The following HCN4 variants were observed in gnomAD, a reference collection of about 807,000 sequenced individuals.
HCN4 encodes hyperpolarization activated cyclic nucleotide gated potassium channel 4, also known as potassium/sodium hyperpolarization-activated cyclic nucleotide-gated channel 4.
A neutral mutation model predicts 76.9 loss-of-function variants in HCN4; 29 were observed. That is an observed-to-expected ratio of 0.38 (90% confidence interval 0.28 to 0.51). The LOEUF (loss-of-function observed/expected upper bound fraction) is 0.51. Among genes scored for constraint, HCN4 ranks in the 20% least tolerant of loss-of-function variants. The pLI is 0.90. For missense variants in HCN4, 1,416 were observed against 1,715.2 expected (o/e 0.83, Z 3.08); for synonymous variants, 772 against 762.5 (o/e 1.01, Z -0.21).
At chr15:73,366,557 C>T (rs1476034555) in intron 1 of HCN4, among the ~76,000 whole-genome samples, 1 of 152,208 alleles carries the variant, frequency 6.6e-6, no homozygotes, top group Non-Finnish European at 1.5e-5. Context: ...TGATCCCAAC[C>T]CTAGAAACAA....
chr15:73,326,048 C>T (rs775323734), intron 4 of HCN4, among the ~76,000 whole-genome samples: 2 of 152,014 alleles, frequency 1.3e-5, no homozygotes, highest in Admixed American at 6.6e-5. Flanking sequence ...AATAGAGGCT[C>T]GGGTACAAAA....
At chr15:73,344,535 T>A (rs996886501) in intron 1 of HCN4, among the ~76,000 whole-genome samples, 6 of 150,906 alleles carry the variant, frequency 4.0e-5, no homozygotes, top group African/African-American at 1.5e-4. Context: ...AACATGGGGG[T>A]GTGGAGGGGG....
Position 73,368,261 on chromosome 15 carries a change from G to C in HCN4, c.10C>G (p.Leu4Val). The C allele has an allele frequency of 3.3e-6, 5 of 1,492,978 alleles. No individual in the cohort carries two copies. The highest frequency in any genetic ancestry group is 2.0e-4 in the Middle Eastern group (1 of 5,040). 92.5% of individuals were successfully genotyped at this position (1,492,978 alleles called of 1,614,324 possible). Reference sequence around the variant, plus strand: ...AGCCGCTTGCGCATGGACGGCGGCAGCTTGTCCATGGCGCCAGGGGCCGGG... The same window carrying C: ...AGCCGCTTGCGCATGGACGGCGGCACCTTGTCCATGGCGCCAGGGGCCGGG... MDK[L>V]PPSMRKRLYS... Residue 4 changes from leucine to valine, a missense_variant, in exon 1 of 8, where the codon CTG becomes GTG. Coordinates refer to ENST00000261917, the MANE Select transcript of HCN4 (RefSeq NM_005477.3). The surrounding 1 kb of genome is among the most constrained non-coding windows in gnomAD (Gnocchi z 6.9).
chr15:73,346,240 C>T (rs1462735290), intron 1 of HCN4, among the ~76,000 whole-genome samples: 6 of 152,046 alleles, frequency 3.9e-5, no homozygotes, highest in African/African-American at 9.7e-5. Context: ...AGTCAGGGTT[C>T]GATTCCTGCT....
At chr15:73,360,534 C>T (rs2043100541) in intron 1 of HCN4, among the ~76,000 whole-genome samples, 1 of 152,122 alleles carries the variant, frequency 6.6e-6, no homozygotes, top group South Asian at 2.1e-4. Context: ...TCTTGAACTA[C>T]TTGTGTAATT....
chr15:73,345,345 T>C (rs982290853), intron 1 of HCN4, among the ~76,000 whole-genome samples: 2 of 152,064 alleles, frequency 1.3e-5, no homozygotes, highest in Non-Finnish European at 2.9e-5. Flanking sequence ...AAAGCCAAGC[T>C]CTTCAGGGCC....
intron 1 of HCN4, among the ~76,000 whole-genome samples, chr15:73,352,733 T>G (rs2043060433): frequency 6.6e-6 from 1 of 152,186 alleles, no homozygotes; most frequent in African/African-American, 2.4e-5. Context: ...ACAGGGGATT[T>G]TAGAAGTTCT....
chr15:73,339,735 G>A (rs185631391), intron 2 of HCN4, among the ~76,000 whole-genome samples: 269 of 152,286 alleles, frequency 1.8e-3, no homozygotes, highest in Non-Finnish European at 6.8e-4. Flanking sequence ...GCTCTCATGT[G>A]GACCTAGGGC....
At chr15:73,366,975 G>T (rs556930683) in intron 1 of HCN4, among the ~76,000 whole-genome samples, 45 of 152,342 alleles carry the variant, frequency 3.0e-4, no homozygotes, top group African/African-American at 1.1e-3. Context: ...TGAGGCCCCA[G>T]TGACTTCGGT....
intron 2 of HCN4, among the ~76,000 whole-genome samples, chr15:73,334,766 T>A (rs1304190533): frequency 2.6e-5 from 4 of 152,120 alleles, no homozygotes; most frequent in African/African-American, 9.7e-5. Context: ...GCTAGCAAAG[T>A]GCTCTCTGCA....
chr15:73,323,474 T>C lies in HCN4; in HGVS notation c.2619A>G (p.Pro873=), dbSNP rs772599794. Reference sequence around the variant, plus strand: ...GGGAGGAGCTGGATGAGGGCAGGAGTGGGCTCAGTCCAGCGGGGGCAGAGA... The same window carrying C: ...GGGAGGAGCTGGATGAGGGCAGGAGCGGGCTCAGTCCAGCGGGGGCAGAGA... ...AGFSAPAGLS[P]LLPSSSSSPP... Residue 873 remains proline, a synonymous_variant, in exon 8 of 8, where the codon CCA becomes CCG. Transcript: ENST00000261917. The C allele has an allele frequency of 1.2e-6, 2 of 1,604,746 alleles. No individual in the cohort carries two copies. The highest frequency in any genetic ancestry group is 1.3e-5 in the African/African-American group (1 of 74,216).
In HCN4 at chr15:73,330,047, G is replaced by A. The variant is rs557186411; in HGVS notation, c.1372-256C>T. ...CCCCAGTAAAGGTACGGGAGCCAGC[G>A]TGGCCCAGCCCCCATGGGGCAGCTT... On this transcript the variant is annotated intron_variant, in intron 3 of 7. Coordinates refer to ENST00000261917, the MANE Select transcript of HCN4 (RefSeq NM_005477.3). 3.9e-5 allele frequency among the ~76,000 whole-genome samples: 6 copies of A among 152,324 alleles called. No homozygotes were observed. The East Asian group carries it at 7.7e-4, about 20-fold the overall frequency.
At chr15:73,366,465 C>T (rs60064354) in intron 1 of HCN4, among the ~76,000 whole-genome samples, 1,654 of 152,262 alleles carry the variant, frequency 0.011, 26 homozygotes, top group African/African-American at 0.037. Flanking sequence ...GTTTCCCAGA[C>T]CTTCATCACA....
intron 2 of HCN4, among the ~76,000 whole-genome samples, chr15:73,332,683 G>A (rs2042940113): frequency 2.6e-5 from 4 of 152,276 alleles, no homozygotes; most frequent in African/African-American, 7.2e-5. Flanking sequence ...GCTCCTCAGG[G>A]AACCAAAAGT....
At position 73,322,465 on chromosome 15, in the gene HCN4, G is replaced by GA; in HGVS notation, c.*15dup. The stretch of plus-strand genomic sequence containing the variant: ...GGGAGAGAAAAGAAGAAAGAAGAGG[G>GA]AAGGAAGGGCCCAGCTCATAGATTG... On this transcript the variant is annotated 3_prime_UTR_variant, in exon 8 of 8. Transcript: ENST00000261917. The GA allele has an allele frequency of 6.4e-7, 1 of 1,564,170 alleles. No individual in the cohort carries two copies.
chr15:73,365,273 A>G (rs913664960), intron 1 of HCN4, among the ~76,000 whole-genome samples: 1 of 152,158 alleles, frequency 6.6e-6, no homozygotes, highest in African/African-American at 2.4e-5. Flanking sequence ...GCTCCTCCAG[A>G]CACACTCAGA....
At chr15:73,355,759 GCA>G (rs151156342) in intron 1 of HCN4, among the ~76,000 whole-genome samples, 24 of 149,772 alleles carry the variant, frequency 1.6e-4, no homozygotes, top group Non-Finnish European at 2.2e-4. Flanking sequence ...ATGTACATGC[GCA>G]CACACACACA....
intron 1 of HCN4, among the ~76,000 whole-genome samples, chr15:73,354,459 C>A (rs2043068901): frequency 6.6e-6 from 1 of 152,200 alleles, no homozygotes. Flanking sequence ...AGCTGCAGAC[C>A]TGGTGGACTT....
At chr15:73,331,838 C>T (rs1307661027) in intron 3 of HCN4, among the ~76,000 whole-genome samples, 5 of 152,130 alleles carry the variant, frequency 3.3e-5, no homozygotes, top group Non-Finnish European at 5.9e-5. Flanking sequence ...GGGAGGCCGC[C>T]CAGGTCTTAG....
Sources: allele counts gnomAD v4.1 joint callset (sites outside exome capture counted in the v4.1 genomes callset), GRCh38; gene constraint gnomAD v4.1.1; non-coding constraint Gnocchi (gnomAD v3.1); transcripts MANE v1.5; gene names NCBI Gene and HGNC (gene_info 2026-07-23, HGNC 2026-07-21).